ATP11C: variants seen among roughly 807,000 people sequenced by gnomAD.
ATP11C encodes phospholipid-transporting ATPase IG.
In ATP11C, 36 loss-of-function variants were observed where a neutral mutation model predicts 97.4. The ratio of observed to expected loss-of-function variants is 0.37; its 90% confidence interval spans 0.28 to 0.49. The LOEUF (loss-of-function observed/expected upper bound fraction) is 0.49. Ranked by LOEUF, ATP11C falls within the 20% of genes least tolerant of loss-of-function variation. ATP11C has a pLI of 0.98. For missense variants in ATP11C, 730 were observed against 824.6 expected, an observed-to-expected ratio of 0.89 and a Z score of 1.40; for synonymous variants, 275 against 290.9, an observed-to-expected ratio of 0.95 and a Z score of 0.56.
At chrX:139,742,085 A>C (rs991664736) in intron 26 of ATP11C, among the ~76,000 whole-genome samples, 2 of 111,835 alleles carry the variant, frequency 1.8e-5, no homozygotes, top group Non-Finnish European at 3.8e-5. Flanking sequence ...GAAGTCTTTG[A>C]GATACACTTG....
chrX:139,918,291 G>A (rs948196877), intron 1 of ATP11C, among the ~76,000 whole-genome samples: 19 of 111,361 alleles, frequency 1.7e-4, no homozygotes, highest in African/African-American at 4.6e-4. Flanking sequence ...ATATATATAC[G>A]CAATGAAACA....
chrX:139,863,596 C>T (rs1052806878), intron 1 of ATP11C, among the ~76,000 whole-genome samples: 2 of 110,523 alleles, frequency 1.8e-5, no homozygotes, highest in African/African-American at 6.6e-5. Flanking sequence ...ACAAAGCAGC[C>T]CAAATGGTAT....
chrX:139,771,338 A>G (rs1213039936), intron 19 of ATP11C, among the ~76,000 whole-genome samples: 1 of 111,608 alleles, frequency 9.0e-6, no homozygotes, highest in Non-Finnish European at 1.9e-5. Context: ...TGTAAGTCCA[A>G]TTAAATCTCT....
Position 139,889,837 on chromosome X carries a change from C to T in ATP11C, c.27+42179G>A, listed in dbSNP as rs377719046. Among the ~76,000 whole-genome samples the T allele has an allele frequency of 2.7e-4, 30 of 111,731 alleles. 1 individual carries two copies. The highest frequency in any genetic ancestry group is 9.1e-4 in the African/African-American group (28 of 30,714). ...AAGGTGAGAAAGGCATAATTAAGAA[C>T]CAAAATACTCCATTTGGTATTTATT... On this transcript the variant is annotated intron_variant, in intron 1 of 29. Transcript: ENST00000682941.
In ATP11C at chrX:139,798,272, CT is replaced by C; in HGVS notation, c.857del (p.Lys286AsnfsTer7). ...CTAAATAAATTGTGGCGCATACTAA[CT>C]TTTCAACAGCAGAACGTTTCTGAGA... ...GKSQKRSAVEKSINAFLIVYL... is the reference protein window; with the variant it reads ...GKSQKRSAVEXSINAFLIVYL... On this transcript the variant is annotated frameshift_variant and splice_region_variant, in exon 10 of 30. Transcript: ENST00000682941. LOFTEE classifies it high-confidence loss of function. The C allele has an allele frequency of 8.3e-7, 1 of 1,202,858 alleles. No individual in the cohort carries two copies. Among genetic ancestry groups the C allele is most frequent in the South Asian group, 1.8e-5 (1 of 55,092 alleles).
At chrX:139,886,520 C>G (rs1320746007) in intron 1 of ATP11C, among the ~76,000 whole-genome samples, 1 of 106,065 alleles carries the variant, frequency 9.4e-6, no homozygotes, top group Admixed American at 1.0e-4. Flanking sequence ...TTGCTTGAAC[C>G]CGGGAAGTGG....
At chrX:139,801,572 A>T (rs1292449570) in intron 7 of ATP11C, among the ~76,000 whole-genome samples, 4 of 111,944 alleles carry the variant, frequency 3.6e-5, no homozygotes, top group African/African-American at 1.3e-4. Context: ...GAATAGGATA[A>T]AATTAATTAG....
intron 28 of ATP11C, among the ~76,000 whole-genome samples, chrX:139,733,635 AT>A (rs1787534484): frequency 8.9e-6 from 1 of 111,956 alleles, no homozygotes; most frequent in Admixed American, 9.5e-5. Context: ...GAATATTTAG[AT>A]TCTGAGAAAA....
intron 1 of ATP11C, among the ~76,000 whole-genome samples, chrX:139,885,221 C>T (rs2084621443): frequency 9.1e-6 from 1 of 110,345 alleles, no homozygotes. Flanking sequence ...CAAAGAGAGG[C>T]GATACCATAC....
At chrX:139,851,453 G>A (rs1451874954) in intron 1 of ATP11C, among the ~76,000 whole-genome samples, 1 of 112,463 alleles carries the variant, frequency 8.9e-6, no homozygotes, top group Non-Finnish European at 1.9e-5. Flanking sequence ...GAGGGGTGGA[G>A]CCACCACAGA....
intron 4 of ATP11C, among the ~76,000 whole-genome samples, chrX:139,815,521 C>T (rs1408363234): frequency 9.0e-6 from 1 of 111,416 alleles, no homozygotes; most frequent in African/African-American, 3.3e-5. Context: ...TAGAGATCAA[C>T]AGCTAAACTT....
At chrX:139,828,288 C>T (rs974294301) in intron 1 of ATP11C, among the ~76,000 whole-genome samples, 8 of 112,049 alleles carry the variant, frequency 7.1e-5, no homozygotes, top group African/African-American at 2.6e-4. Flanking sequence ...TCACACAGTT[C>T]CTGGAAACCA....
At chrX:139,893,232 T>C (rs2084757139) in intron 1 of ATP11C, among the ~76,000 whole-genome samples, 1 of 110,819 alleles carries the variant, frequency 9.0e-6, no homozygotes, top group African/African-American at 3.3e-5. Context: ...TTTGGTTGTT[T>C]GTTTTTTACT....
intron 23 of ATP11C, among the ~76,000 whole-genome samples, chrX:139,752,584 G>A (rs2081844337): frequency 9.0e-6 from 1 of 111,523 alleles, no homozygotes; most frequent in African/African-American, 3.3e-5. Context: ...TATTTTAAAA[G>A]GATAATACAG....
At chrX:139,877,259 G>A (rs192561985) in intron 1 of ATP11C, among the ~76,000 whole-genome samples, 4 of 112,194 alleles carry the variant, frequency 3.6e-5, no homozygotes, top group Admixed American at 2.8e-4. Flanking sequence ...TTGTTCATAC[G>A]TGGATTTCCT....
chrX:139,930,599 G>A (rs920672112), intron 1 of ATP11C, among the ~76,000 whole-genome samples: 7 of 111,776 alleles, frequency 6.3e-5, no homozygotes, highest in Non-Finnish European at 1.3e-4. Context: ...CAGGCTAAAT[G>A]TGAGAAACCA....
chrX:139,745,932 C>A (rs888425474), intron 24 of ATP11C, 75 bp from the exon 25 acceptor site: 48 of 1,084,506 alleles, frequency 4.4e-5, no homozygotes, highest in Non-Finnish European at 5.7e-5. Context: ...CAAAGGTGGG[C>A]GTGGAATTTG....
rs760591938 is a variant in ATP11C at position 139,743,055 on chromosome X, A to G, written c.3030+504T>C. 6.4e-5 allele frequency among the ~76,000 whole-genome samples: 7 copies of G among 108,582 alleles called. No homozygotes were observed. In the East Asian group the frequency reaches 2.0e-3, roughly 32 times the overall value. 94.3% of individuals were successfully genotyped at this position (108,582 alleles called of 115,157 possible). A position where few individuals can be genotyped will look rare whatever the true frequency, so the allele number is the denominator to read the frequency against. ...TGGCCATCAGTGATGAAAACATTTT[A>G]TAAGATTTCACTACTACCAAGCTCT... is the stretch of plus-strand genomic sequence containing the variant. On this transcript the variant is annotated intron_variant, in intron 26 of 29. Coordinates refer to ENST00000682941, the MANE Select transcript of ATP11C (RefSeq NM_001353812.2).
At chrX:139,851,460 C>A (rs990479575) in intron 1 of ATP11C, among the ~76,000 whole-genome samples, 30 of 112,501 alleles carry the variant, frequency 2.7e-4, no homozygotes, top group African/African-American at 9.4e-4. Flanking sequence ...GGAGCCACCA[C>A]AGAAAGCTCC....
Sources: gnomAD v4.1 joint callset for allele counts (sites outside exome capture counted in the v4.1 genomes callset) on GRCh38, gnomAD v4.1.1 for gene constraint, MANE v1.5 for transcripts, NCBI Gene and HGNC (gene_info 2026-07-23, HGNC 2026-07-21) for gene names.